Variants in ANKMY1 observed in about 807,000 individuals in gnomAD.
The protein encoded by ANKMY1 is ankyrin repeat and MYND domain containing 1, also known as ankyrin repeat and MYND domain-containing protein 1.
ANKMY1 carries 98 observed loss-of-function variants against 102.0 expected under a neutral mutation model. That is an observed-to-expected ratio of 0.96 (90% confidence interval 0.82 to 1.14). ANKMY1 has a LOEUF of 1.14. Ranked by LOEUF, ANKMY1 falls within the 50% of genes most tolerant of loss-of-function variation. The pLI, the probability that ANKMY1 is intolerant of heterozygous loss-of-function variation, is 0.00. For synonymous variants in ANKMY1, 582 were observed against 559.9 expected, an observed-to-expected ratio of 1.04 and a Z score of -0.56; for missense variants, 1,330 against 1,347.6, an observed-to-expected ratio of 0.99 and a Z score of 0.20.
At chr2:240,560,285 GC>G (rs1189016379), upstream of ANKMY1, 1 of 165,640 alleles carries the variant, frequency 6.0e-6, no homozygotes, top group Admixed American at 6.4e-5. Flanking sequence ...CGCGAAGTGG[GC>G]GGGCCCGGCC....
intron 15 of ANKMY1, among the ~76,000 whole-genome samples, chr2:240,491,428 T>C (rs996914494): frequency 6.6e-6 from 1 of 152,248 alleles, no homozygotes; most frequent in Admixed American, 6.5e-5. Context: ...TCTTATACTT[T>C]GGCATTGTGC....
intron 15 of ANKMY1, among the ~76,000 whole-genome samples, chr2:240,484,786 T>G (rs2075849590): frequency 6.6e-6 from 1 of 152,066 alleles, no homozygotes; most frequent in African/African-American, 2.4e-5. Flanking sequence ...GGGAGAAAAT[T>G]TTTGCAGTCT....
upstream of ANKMY1, among the ~76,000 whole-genome samples, chr2:240,559,424 C>T (rs904429181): frequency 1.3e-5 from 2 of 152,208 alleles, no homozygotes; most frequent in Non-Finnish European, 2.9e-5. Context: ...CATGAGAGAA[C>T]AGAGGAGCCT....
At chr2:240,528,303 CA>C (rs56375102) in intron 5 of ANKMY1, among the ~76,000 whole-genome samples, 4 of 141,964 alleles carry the variant, frequency 2.8e-5, no homozygotes, top group African/African-American at 7.7e-5. Flanking sequence ...ACCCCCCCCC[CA>C]AAAAAATTAA....
At position 240,500,499 on chromosome 2, in the gene ANKMY1, CCTT is replaced by C; in HGVS notation, c.2590_2592del (p.Lys864del). ...TAGTCCACGGCTGTGCCCACTGCCT[CCTT>C]TTCTCCCTGCCTGAGCATTACAGGC... is the stretch of plus-strand genomic sequence containing the variant. On this transcript the variant is annotated inframe_deletion, in exon 14 of 18. Coordinates refer to ENST00000401804, the MANE Select transcript of ANKMY1 (RefSeq NM_001282771.3). The C allele has an allele frequency of 6.2e-7, 1 of 1,614,176 alleles. No homozygotes were observed. Among genetic ancestry groups the C allele is most frequent in the African/African-American group, 1.3e-5 (1 of 75,060 alleles).
intron 4 of ANKMY1, 187 bp downstream of exon 4, chr2:240,552,727 A>G: frequency 1.1e-6 from 1 of 896,472 alleles, no homozygotes; most frequent in Non-Finnish European, 1.7e-6. Context: ...TCTGGGGAAT[A>G]AAATGCAAGG....
At position 240,521,383 on chromosome 2, in the gene ANKMY1, A is replaced by G. The variant is rs180983065; in HGVS notation, c.1833-850T>C. On this transcript the variant is annotated intron_variant, in intron 8 of 17. Transcript: ENST00000401804. ...CTGGCTCTCCTTGTCTGCCGCTACC[A>G]TGTAAAGCTCAAAAACTGTCAAAAC... 2.0e-3 allele frequency among the ~76,000 whole-genome samples: 296 copies of G among 151,226 alleles called. 2 individuals carry two copies. Among genetic ancestry groups the G allele is most frequent in the African/African-American group, 6.8e-3 (280 of 41,198 alleles).
At chr2:240,523,654 C>T (rs529860196) in intron 8 of ANKMY1, 98 of 668,220 alleles carry the variant, frequency 1.5e-4, no homozygotes, top group African/African-American at 1.2e-3. Context: ...AGCCCGTCAC[C>T]GTGGCACCCC....
At chr2:240,534,147 T>C (rs2086146663) in intron 4 of ANKMY1, among the ~76,000 whole-genome samples, 1 of 152,234 alleles carries the variant, frequency 6.6e-6, no homozygotes. Context: ...ATATAAGGCT[T>C]GATGCTATCC....
intron 4 of ANKMY1, among the ~76,000 whole-genome samples, chr2:240,539,363 T>C (rs1187619654): frequency 6.6e-6 from 1 of 151,924 alleles, no homozygotes; most frequent in Non-Finnish European, 1.5e-5. Context: ...TTAAGAGCTG[T>C]AACACTCACC....
At chr2:240,533,848 GTAAAGT>G (rs948376605) in intron 4 of ANKMY1, among the ~76,000 whole-genome samples, 7 of 152,054 alleles carry the variant, frequency 4.6e-5, no homozygotes, top group Admixed American at 1.3e-4. Context: ...AAGGTTGAAA[GTAAAGT>G]TACAGAGAAA....
intron 8 of ANKMY1, among the ~76,000 whole-genome samples, chr2:240,521,777 A>C (rs1359130814): frequency 6.6e-6 from 1 of 152,000 alleles, no homozygotes; most frequent in Non-Finnish European, 1.5e-5. Flanking sequence ...GGATTACAGG[A>C]GTGAGCCACT....
chr2:240,561,013 C>G, upstream of ANKMY1: 1 of 1,534,224 alleles, frequency 6.5e-7, no homozygotes, highest in Non-Finnish European at 8.7e-7. Flanking sequence ...CGCAGCCGCT[C>G]GGCCGCCGTC....
intron 3 of ANKMY1, 114 bp downstream of exon 3, chr2:240,554,752 A>C: frequency 8.0e-7 from 1 of 1,252,004 alleles, no homozygotes; most frequent in South Asian, 1.4e-5. Flanking sequence ...ACTTTAGCCT[A>C]GCACCCTTCC....
chr2:240,553,188 G>T, intron 3 of ANKMY1, 131 bp from the exon 4 acceptor site: 1 of 1,097,872 alleles, frequency 9.1e-7, no homozygotes, highest in Non-Finnish European at 1.3e-6. Flanking sequence ...ACTCAGGGAT[G>T]CCTGGCATGC....
chr2:240,543,728 T>C (rs752137447), intron 4 of ANKMY1, among the ~76,000 whole-genome samples: 16 of 152,112 alleles, frequency 1.1e-4, no homozygotes, highest in South Asian at 2.1e-4. Flanking sequence ...AAATAAAATA[T>C]ATTTATATAC....
chr2:240,557,800 C>T (rs1419538291), intron 1 of ANKMY1, 81 bp downstream of exon 1: 3 of 897,180 alleles, frequency 3.3e-6, no homozygotes, highest in East Asian at 1.2e-4. Context: ...GCGAGCCTGG[C>T]GCCCCCCCGC....
chr2:240,475,983 C>G (rs1399779547), downstream of ANKMY1, among the ~76,000 whole-genome samples: 1 of 151,706 alleles, frequency 6.6e-6, no homozygotes, highest in Non-Finnish European at 1.5e-5. Flanking sequence ...TTTTTTTTTA[C>G]AGAAATAGCA....
intron 7 of ANKMY1, among the ~76,000 whole-genome samples, chr2:240,525,471 T>C (rs1166945976): frequency 6.6e-6 from 1 of 152,236 alleles, no homozygotes; most frequent in Non-Finnish European, 1.5e-5. Context: ...CAGGCTGCTA[T>C]GCAGGAGATG....
Sources: gnomAD v4.1 joint callset for allele counts (sites outside exome capture counted in the v4.1 genomes callset) on GRCh38, gnomAD v4.1.1 for gene constraint, MANE v1.5 for transcripts, NCBI Gene and HGNC (gene_info 2026-07-23, HGNC 2026-07-21) for gene names.